CHRM3: variants seen among roughly 807,000 people sequenced by gnomAD.
The protein encoded by CHRM3 is cholinergic receptor muscarinic 3.
Under a neutral mutation model 41.8 loss-of-function variants are expected in CHRM3, and 11 were observed. That is an observed-to-expected ratio of 0.26 (90% CI 0.17 to 0.44). CHRM3 has a LOEUF of 0.44. Among genes scored for constraint, CHRM3 ranks in the 20% least tolerant of loss-of-function variants. The probability of loss-of-function intolerance (pLI) is 1.00; values close to 1 mark genes in which losing one functional copy is unlikely to be tolerated. For missense variants in CHRM3, 571 were observed against 745.4 expected (o/e 0.77, Z 2.72); for synonymous variants, 297 against 301.4 (o/e 0.99, Z 0.15).
chr1:239,398,282 C>T (rs1368909948), intron 1 of CHRM3, among the ~76,000 whole-genome samples: 1 of 152,158 alleles, frequency 6.6e-6, no homozygotes, highest in African/African-American at 2.4e-5. Flanking sequence ...TTCACCCAGG[C>T]TGGAGTACAA....
chr1:239,734,259 G>C (rs1664214936), intron 5 of CHRM3, among the ~76,000 whole-genome samples: 1 of 152,090 alleles, frequency 6.6e-6, no homozygotes, highest in African/African-American at 2.4e-5. Context: ...GATGAGTGTA[G>C]AGTATCTTGT....
intron 5 of CHRM3, among the ~76,000 whole-genome samples, chr1:239,684,064 C>T (rs766856565): frequency 2.6e-5 from 4 of 152,190 alleles, no homozygotes; most frequent in African/African-American, 4.8e-5. Flanking sequence ...ATTTAGGATT[C>T]CTAACCCATA....
chr1:239,742,462 T>C (rs1055940666), intron 5 of CHRM3, among the ~76,000 whole-genome samples: 3 of 152,216 alleles, frequency 2.0e-5, no homozygotes, highest in Non-Finnish European at 4.4e-5. Flanking sequence ...GTGTTTACAT[T>C]CTCCTCTATA....
At chr1:239,422,008 T>A (rs1207021092) in intron 1 of CHRM3, among the ~76,000 whole-genome samples, 3 of 152,308 alleles carry the variant, frequency 2.0e-5, no homozygotes, top group African/African-American at 7.2e-5. Flanking sequence ...CATAAAGCTA[T>A]AACACAGATA....
chr1:239,810,001 A>T (rs1476295488), intron 5 of CHRM3, among the ~76,000 whole-genome samples: 1 of 152,162 alleles, frequency 6.6e-6, no homozygotes, highest in African/African-American at 2.4e-5. Context: ...TTATCTTGAG[A>T]CGGGTAAGAT....
At chr1:239,895,480 T>G (rs72760724) in intron 6 of CHRM3, among the ~76,000 whole-genome samples, 2,138 of 152,342 alleles carry the variant, frequency 0.014, 23 homozygotes, top group Non-Finnish European at 0.023. Context: ...AGGGTAACTA[T>G]TACAAATTGT....
intron 6 of CHRM3, among the ~76,000 whole-genome samples, chr1:239,905,743 C>T (rs752640813): frequency 1.3e-5 from 2 of 152,098 alleles, no homozygotes; most frequent in Non-Finnish European, 2.9e-5. Flanking sequence ...GATGCATTTG[C>T]ACAACACGTA....
At chr1:239,712,475 C>A (rs1207778110) in intron 5 of CHRM3, among the ~76,000 whole-genome samples, 1 of 152,160 alleles carries the variant, frequency 6.6e-6, no homozygotes, top group Non-Finnish European at 1.5e-5. Flanking sequence ...TCATCAGGAT[C>A]TTATGCTAGC....
chr1:239,887,503 G>A (rs560293081), intron 6 of CHRM3, among the ~76,000 whole-genome samples: 3 of 152,294 alleles, frequency 2.0e-5, no homozygotes, highest in South Asian at 2.1e-4. Flanking sequence ...GATTACAGGC[G>A]TGAGCCATGG....
chr1:239,496,719 G>A (rs1192513939), intron 2 of CHRM3, among the ~76,000 whole-genome samples: 4 of 152,006 alleles, frequency 2.6e-5, no homozygotes, highest in African/African-American at 9.7e-5. Flanking sequence ...TATACCATAT[G>A]TATACAGTCT....
At chr1:239,891,087 T>C (rs1678515956) in intron 6 of CHRM3, among the ~76,000 whole-genome samples, 2 of 152,140 alleles carry the variant, frequency 1.3e-5, no homozygotes, top group South Asian at 4.1e-4. Context: ...ATTGTCTACT[T>C]ACTGCCTGTA....
At chr1:239,544,868 T>C (rs1382963856) in intron 2 of CHRM3, among the ~76,000 whole-genome samples, 1 of 152,208 alleles carries the variant, frequency 6.6e-6, no homozygotes, top group African/African-American at 2.4e-5. Context: ...AGAGCACAAC[T>C]AATCATTGGA....
chr1:239,811,537 C>T (rs1282280481), intron 5 of CHRM3, among the ~76,000 whole-genome samples: 2 of 152,198 alleles, frequency 1.3e-5, no homozygotes, highest in Non-Finnish European at 2.9e-5. Context: ...TTCACAGACT[C>T]CTTTGACAGC....
intron 5 of CHRM3, among the ~76,000 whole-genome samples, chr1:239,731,043 TA>T (rs1663917752): frequency 6.6e-6 from 1 of 151,962 alleles, no homozygotes; most frequent in Non-Finnish European, 1.5e-5. Flanking sequence ...TTAAGTTTTT[TA>T]CTTAGGTGGT....
chr1:239,890,113 C>A (rs1264356633), intron 6 of CHRM3, among the ~76,000 whole-genome samples: 2 of 152,006 alleles, frequency 1.3e-5, no homozygotes, highest in Admixed American at 6.5e-5. Context: ...ACCAGCCTGA[C>A]CAACATGGAG....
rs144480612 is a variant in CHRM3 at position 239,410,403 on chromosome 1, G to T, written c.-521+23176G>T. On this transcript the variant is annotated intron_variant, in intron 1 of 6. Transcript: ENST00000676153. ...CTTTAGATACTGTGTGTCTTTTTTA[G>T]AATGTGGCCGCCTAGAGAGTCAGAA... Among the ~76,000 whole-genome samples the T allele has an allele frequency of 2.0e-3, 298 of 152,148 alleles. 1 individual carries two copies. Among genetic ancestry groups the T allele is most frequent in the Non-Finnish European group, 3.3e-3 (226 of 68,018 alleles).
chr1:239,481,894 G>T (rs560790911), intron 1 of CHRM3, among the ~76,000 whole-genome samples: 1 of 152,276 alleles, frequency 6.6e-6, no homozygotes, highest in Non-Finnish European at 1.5e-5. Flanking sequence ...CTGTACTGTG[G>T]AGTGGAGGGA....
At chr1:239,900,136 C>T (rs1679403727) in intron 6 of CHRM3, among the ~76,000 whole-genome samples, 1 of 152,062 alleles carries the variant, frequency 6.6e-6, no homozygotes, top group African/African-American at 2.4e-5. Context: ...TCAAAATATC[C>T]TAATGCTATG....
intron 3 of CHRM3, among the ~76,000 whole-genome samples, chr1:239,574,517 G>A (rs968358920): frequency 4.6e-5 from 7 of 151,934 alleles, no homozygotes; most frequent in Non-Finnish European, 8.8e-5. Context: ...CCTTTGCCAG[G>A]CCTACCTAGA....
Sources: allele counts gnomAD v4.1 joint callset (sites outside exome capture counted in the v4.1 genomes callset), GRCh38; gene constraint gnomAD v4.1.1; transcripts MANE v1.5; gene names NCBI Gene and HGNC (gene_info 2026-07-23, HGNC 2026-07-21).